Variants in LRRC4B observed in about 807,000 individuals in gnomAD.
LRRC4B encodes leucine rich repeat containing 4B.
A neutral mutation model predicts 7.3 loss-of-function variants in LRRC4B; 1 was observed. The ratio of observed to expected loss-of-function variants is 0.14; its 90% CI spans 0.05 to 0.65. The LOEUF (loss-of-function observed/expected upper bound fraction) is 0.65. Among genes scored for constraint, LRRC4B ranks in the 30% least tolerant of loss-of-function variants. The probability of loss-of-function intolerance (pLI) is 0.84; values close to 1 mark genes in which losing one functional copy is unlikely to be tolerated. For synonymous variants in LRRC4B, 500 were observed against 499.2 expected (o/e 1.00, Z -0.02); for missense variants, 730 against 1,041.6 (o/e 0.70, Z 4.12).
intron 1 of LRRC4B, among the ~76,000 whole-genome samples, chr19:50,554,155 G>A (rs550634415): frequency 3.3e-4 from 50 of 151,994 alleles, no homozygotes; most frequent in African/African-American, 1.2e-3. Flanking sequence ...CACCACCCCG[G>A]CTAATTTTTG....
At chr19:50,561,586 T>G (rs564905924) in intron 1 of LRRC4B, among the ~76,000 whole-genome samples, 47 of 151,498 alleles carry the variant, frequency 3.1e-4, no homozygotes, top group African/African-American at 1.0e-3. Context: ...AATACAAAAA[T>G]TAGCTGGGTG....
intron 1 of LRRC4B, among the ~76,000 whole-genome samples, chr19:50,564,174 A>G (rs979199661): frequency 1.3e-5 from 2 of 152,136 alleles, no homozygotes; most frequent in African/African-American, 4.8e-5. Flanking sequence ...GGCCCTTTGC[A>G]CCTGAGCACA....
rs982026903 is a variant in LRRC4B at position 50,553,261 on chromosome 19, C to T, written c.-35-4388G>A. Among the ~76,000 whole-genome samples, 2 of 152,106 alleles carry T rather than the reference C, an allele frequency of 1.3e-5. No individual in the cohort carries two copies. The highest frequency in any genetic ancestry group is 6.5e-5 in the Admixed American group (1 of 15,274). On this transcript the variant is annotated intron_variant, in intron 1 of 2. Coordinates refer to ENST00000652263, the MANE Select transcript of LRRC4B (RefSeq NM_001080457.2). This position sits in a 1 kb window ranked among gnomAD's most constrained non-coding sequence, Gnocchi z 4.2. Reference sequence around the variant, plus strand: ...CTCCCCGTGCGTTCCCCACGGGCAGCGAGGGGTATCCTGTCAACACCCCAT... The same window carrying T: ...CTCCCCGTGCGTTCCCCACGGGCAGTGAGGGGTATCCTGTCAACACCCCAT...
In LRRC4B at chr19:50,548,462, G is replaced by A. The variant is rs185414325; in HGVS notation, c.297+80C>T. 1.8e-3 allele frequency: 2,728 copies of A among 1,518,096 alleles called. 19 individuals carry two copies. Among genetic ancestry groups the A allele is most frequent in the African/African-American group, 8.0e-3 (582 of 72,930 alleles). 94.0% of individuals were successfully genotyped at this position (1,518,096 alleles called of 1,614,324 possible). A position where few individuals can be genotyped will look rare whatever the true frequency, so the allele number is the denominator to read the frequency against. ...GACGGGGAAGCCCCGGTGTGGGGAG[G>A]CCCAGAAGGGATGGGCTACATCTGC... On this transcript the variant is annotated intron_variant, in intron 2 of 2. Coordinates refer to ENST00000652263, the MANE Select transcript of LRRC4B (RefSeq NM_001080457.2). This position sits in a 1 kb window ranked among gnomAD's most constrained non-coding sequence, Gnocchi z 6.8.
Position 50,533,014 on chromosome 19 carries a change from G to A in LRRC4B, c.298-13599C>T, listed in dbSNP as rs17804460. 8.4e-3 allele frequency among the ~76,000 whole-genome samples: 1,278 copies of A among 152,246 alleles called. 36 individuals are homozygous for A. The East Asian group carries it at 0.11, about 13-fold the overall frequency. On this transcript the variant is annotated intron_variant, in intron 2 of 2. Coordinates refer to ENST00000652263, the MANE Select transcript of LRRC4B (RefSeq NM_001080457.2). The stretch of plus-strand genomic sequence containing the variant: ...TTCTGCTTTTTACCTTCGTGTGCAC[G>A]TCTGAGATCATTAAAGCTACATCAC...
At chr19:50,567,762 A>C (rs1982681455) in intron 1 of LRRC4B, among the ~76,000 whole-genome samples, 182 bp downstream of exon 1, 1 of 74,170 alleles carries the variant, frequency 1.3e-5, no homozygotes, top group African/African-American at 5.5e-5. Context: ...ACCCCCACCC[A>C]GTCGCCTCCC....
chr19:50,531,312 C>A (rs1041434007), intron 2 of LRRC4B, among the ~76,000 whole-genome samples: 3 of 152,234 alleles, frequency 2.0e-5, no homozygotes, highest in African/African-American at 7.2e-5. Flanking sequence ...GGAGCGTGCA[C>A]CTGGGGCTCC....
chr19:50,544,623 G>A (rs879263345), intron 2 of LRRC4B, among the ~76,000 whole-genome samples: 25 of 152,152 alleles, frequency 1.6e-4, no homozygotes, highest in Non-Finnish European at 2.6e-4. Context: ...GAGGGTGTCC[G>A]AATGCAAAGA....
At chr19:50,525,086 T>C (rs1380778045) in intron 2 of LRRC4B, among the ~76,000 whole-genome samples, 1 of 152,174 alleles carries the variant, frequency 6.6e-6, no homozygotes, top group Non-Finnish European at 1.5e-5. Flanking sequence ...CCGTTCCCCG[T>C]GGACAGACAC....
At chr19:50,534,936 T>G (rs1295533956) in intron 2 of LRRC4B, among the ~76,000 whole-genome samples, 1 of 152,192 alleles carries the variant, frequency 6.6e-6, no homozygotes. Context: ...TGCAGCGATC[T>G]CAGCTCACTG....
chr19:50,563,860 T>A lies in LRRC4B; in HGVS notation c.-36+4084A>T, dbSNP rs914817388. Among the ~76,000 whole-genome samples the A allele has an allele frequency of 9.9e-5, 15 of 152,082 alleles. No individual in the cohort carries two copies. The highest frequency in any genetic ancestry group is 3.6e-4 in the African/African-American group (15 of 41,392). ...TCCTGGCAGTCTTAAGAACCACTTC[T>A]CCCAGAGAAGGATAAGACTCTTCCT... On this transcript the variant is annotated intron_variant, in intron 1 of 2. Transcript: ENST00000652263. This position sits in a 1 kb window ranked among gnomAD's most constrained non-coding sequence, Gnocchi z 4.9.
Position 50,517,565 on chromosome 19 carries a change from G to A in LRRC4B, c.*6C>T, listed in dbSNP as rs979513120. On this transcript the variant is annotated 3_prime_UTR_variant, in exon 3 of 3. Transcript: ENST00000652263. This position sits in a 1 kb window ranked among gnomAD's most constrained non-coding sequence, Gnocchi z 6.6. Reference sequence around the variant, plus strand: ...CCACGCCCCTCGCCCGCCCGGCCCCGCCGCCTCAGATCTGCGTCTCTTGCA... The same window carrying A: ...CCACGCCCCTCGCCCGCCCGGCCCCACCGCCTCAGATCTGCGTCTCTTGCA... The A allele has an allele frequency of 1.4e-6, 2 of 1,419,292 alleles. No individual in the cohort carries two copies. The highest frequency in any genetic ancestry group is 9.2e-7 in the Non-Finnish European group (1 of 1,085,074). The allele number at this position is 1,419,292 out of a possible 1,614,324, so 87.9% of individuals were successfully genotyped here.
At chr19:50,566,544 G>A (rs1252171282) in intron 1 of LRRC4B, among the ~76,000 whole-genome samples, 1 of 149,796 alleles carries the variant, frequency 6.7e-6, no homozygotes, top group Admixed American at 6.6e-5. Context: ...GAGGTCTGGG[G>A]AAGGAGATGG....
intron 2 of LRRC4B, among the ~76,000 whole-genome samples, chr19:50,534,746 A>T (rs1010929826): frequency 2.6e-5 from 4 of 152,354 alleles, no homozygotes; most frequent in African/African-American, 9.6e-5. Flanking sequence ...AGCTGAAAAA[A>T]ATCCCACTGA....
At chr19:50,529,954 C>T (rs1673040) in intron 2 of LRRC4B, among the ~76,000 whole-genome samples, 70,029 of 150,126 alleles carry the variant, frequency 0.47, 16,397 homozygotes, top group Middle Eastern at 0.56. Context: ...CCTCCCCTCC[C>T]TCCCTTCAGG....
At chr19:50,524,232 C>T (rs1379018397) in intron 2 of LRRC4B, among the ~76,000 whole-genome samples, 2 of 150,898 alleles carry the variant, frequency 1.3e-5, no homozygotes, top group Admixed American at 1.3e-4. Context: ...AATGTGAACA[C>T]GTGTGTAATG....
chr19:50,556,112 A>G lies in LRRC4B; in HGVS notation c.-35-7239T>C, dbSNP rs1241041036. Among the ~76,000 whole-genome samples, 1 of 152,128 alleles carries G rather than the reference A, an allele frequency of 6.6e-6. No homozygotes were observed. ...GTCAGGCTTCTATGTCTGGAGGTAG[A>G]AGAACCTTAGGGAAAGGGCAGTCCA... On this transcript the variant is annotated intron_variant, in intron 1 of 2. Transcript: ENST00000652263. This position sits in a 1 kb window ranked among gnomAD's most constrained non-coding sequence, Gnocchi z 4.2.
Position 50,520,203 on chromosome 19 carries a change from CAAAAAAAAAAAAAAAAAAAAAAAAAAAAA to C in LRRC4B, c.298-817_298-789del, listed in dbSNP as rs1173919963. ...CCTGGGCAATGAAGTAATACCCTGT[CAAAAAAAAAAAAAAAAAAAAAAAAAAAAA>C]AAAAAAAAAAAAAAAGAAGAAAAGA... is the stretch of plus-strand genomic sequence containing the variant. On this transcript the variant is annotated intron_variant, in intron 2 of 2. Coordinates refer to ENST00000652263, the MANE Select transcript of LRRC4B (RefSeq NM_001080457.2). 6.4e-4 allele frequency among the ~76,000 whole-genome samples: 6 copies of C among 9,382 alleles called. No homozygotes were observed. In the South Asian group the frequency reaches 0.017, roughly 26 times the overall value. The allele number at this position is 9,382 out of a possible 152,430, so 6.2% of individuals were successfully genotyped here. A position where few individuals can be genotyped will look rare whatever the true frequency, so the allele number is the denominator to read the frequency against.
intron 2 of LRRC4B, among the ~76,000 whole-genome samples, chr19:50,532,255 A>G (rs1981090926): frequency 6.6e-6 from 1 of 152,036 alleles, no homozygotes; most frequent in Non-Finnish European, 1.5e-5. Context: ...AAACAAAAAC[A>G]AAAACAAAAA....
Sources: gnomAD v4.1 joint callset for allele counts (sites outside exome capture counted in the v4.1 genomes callset) on GRCh38, gnomAD v4.1.1 for gene constraint, Gnocchi (gnomAD v3.1) non-coding constraint, MANE v1.5 for transcripts, NCBI Gene and HGNC (gene_info 2026-07-23, HGNC 2026-07-21) for gene names.